Variants in KIF16B observed in about 807,000 individuals in gnomAD.
The protein encoded by KIF16B is kinesin family member 16B.
KIF16B carries 98 observed loss-of-function variants against 156.3 expected under a neutral mutation model. The observed-to-expected ratio is 0.63, with a 90% CI of 0.53 to 0.74. KIF16B has a LOEUF of 0.74. KIF16B is among the 30% of genes least tolerant of loss of function. The probability of loss-of-function intolerance (pLI) is 0.00; values close to 1 mark genes in which losing one functional copy is unlikely to be tolerated. For synonymous variants in KIF16B, 564 were observed against 583.7 expected, an observed-to-expected ratio of 0.97 and a Z score of 0.49; for missense variants, 1,421 against 1,606.5, an observed-to-expected ratio of 0.88 and a Z score of 1.97.
intron 15 of KIF16B, among the ~76,000 whole-genome samples, chr20:16,419,577 G>A (rs1434527796): frequency 6.6e-6 from 1 of 152,058 alleles, no homozygotes; most frequent in Non-Finnish European, 1.5e-5. Flanking sequence ...ATTCAAATGT[G>A]CCCAAGTATA....
At chr20:16,288,066 A>G (rs1248579511) in intron 25 of KIF16B, among the ~76,000 whole-genome samples, 3 of 152,202 alleles carry the variant, frequency 2.0e-5, no homozygotes, top group Non-Finnish European at 2.9e-5. Flanking sequence ...CAAGCTCAAT[A>G]TAGATGCCAT....
chr20:16,363,821 T>A (rs899549942), intron 22 of KIF16B, among the ~76,000 whole-genome samples: 3 of 152,348 alleles, frequency 2.0e-5, no homozygotes, highest in Non-Finnish European at 2.9e-5. Context: ...AAACTTTTTT[T>A]AATGTGCCAC....
At chr20:16,400,450 G>A (rs2065622548) in intron 17 of KIF16B, among the ~76,000 whole-genome samples, 1 of 152,158 alleles carries the variant, frequency 6.6e-6, no homozygotes, top group Non-Finnish European at 1.5e-5. Context: ...AAATAGCATA[G>A]CAGTTCCTTG....
At chr20:16,290,439 G>A (rs1309162552) in intron 25 of KIF16B, among the ~76,000 whole-genome samples, 1 of 152,188 alleles carries the variant, frequency 6.6e-6, no homozygotes, top group Non-Finnish European at 1.5e-5. Context: ...ATCTCCTTCG[G>A]TTAAAATTCA....
In KIF16B at chr20:16,379,542, C is replaced by T. The variant is rs567474633; in HGVS notation, c.2460G>A (p.Lys820=). The T allele has an allele frequency of 5.0e-6, 8 of 1,614,108 alleles. No homozygotes were observed. The African/African-American group carries it at 9.3e-5, about 19-fold the overall frequency. The change falls in exon 19 of 26, where the codon AAG becomes AAA. Residue 820 remains lysine (K), a synonymous_variant. Coordinates refer to ENST00000354981, the MANE Select transcript of KIF16B (RefSeq NM_024704.5). ...TGAATTCGAAGAAACGCAGTTGAGC[C>T]TTTTCTAACTCCTCGCCATCTTCAT... is the stretch of plus-strand genomic sequence containing the variant. ...GGDEDGEELE[K]AQLRFFEFKR...
rs574886013 is a variant in KIF16B, at chr20:16,555,328, CAGAGTGCCACGTATAAA to C, written c.47+17884_47+17900del. Among the ~76,000 whole-genome samples the C allele has an allele frequency of 7.7e-3, 1,171 of 152,288 alleles. 15 individuals are homozygous for C. The highest frequency in any genetic ancestry group is 0.027 in the African/African-American group (1,104 of 41,554). On this transcript the variant is annotated intron_variant, in intron 1 of 25. Coordinates refer to ENST00000354981, the MANE Select transcript of KIF16B (RefSeq NM_024704.5). ...GAGGATATGAGACGAAATCAGAAGA[CAGAGTGCCACGTATAAA>C]ACAATGCAGGTGGTTAGTGGCAATG...
intron 17 of KIF16B, among the ~76,000 whole-genome samples, chr20:16,382,972 A>T (rs2065136130): frequency 6.6e-6 from 1 of 152,202 alleles, no homozygotes; most frequent in African/African-American, 2.4e-5. Context: ...TAATATTGAG[A>T]ATAAGATGTC....
At chr20:16,356,232 C>G in intron 23 of KIF16B, 98 bp downstream of exon 23, 1 of 1,453,868 alleles carries the variant, frequency 6.9e-7, no homozygotes, top group Non-Finnish European at 9.6e-7. Context: ...ACAGGATATT[C>G]ACATGCAGCT....
At chr20:16,458,179 T>C (rs1568557606) in intron 12 of KIF16B, among the ~76,000 whole-genome samples, 1 of 152,172 alleles carries the variant, frequency 6.6e-6, no homozygotes. Flanking sequence ...TGAATATCAA[T>C]GAAAGAAAAT....
At chr20:16,567,799 A>G (rs2071310345) in intron 1 of KIF16B, among the ~76,000 whole-genome samples, 1 of 152,094 alleles carries the variant, frequency 6.6e-6, no homozygotes, top group Non-Finnish European at 1.5e-5. Context: ...AAATACAAAC[A>G]AAATTAGCCG....
intron 1 of KIF16B, among the ~76,000 whole-genome samples, chr20:16,548,256 G>C (rs1183987857): frequency 6.6e-6 from 1 of 152,078 alleles, no homozygotes. Flanking sequence ...ACGTCAGAGG[G>C]AGCTACAAGG....
In KIF16B at chr20:16,304,113, T is replaced by A. The variant is rs550177286; in HGVS notation, c.3795+8222A>T. Among the ~76,000 whole-genome samples the A allele has an allele frequency of 2.0e-5, 3 of 152,302 alleles. No individual in the cohort carries two copies. In the South Asian group the frequency reaches 6.2e-4, roughly 32 times the overall value. On this transcript the variant is annotated intron_variant, in intron 25 of 25. Transcript: ENST00000354981. ...AAGGAGAAAAATGGCAGAGTACAAC[T>A]GTTTGATGACATGCAGGGAGTCCTC...
chr20:16,342,766 T>A (rs1403285897), intron 23 of KIF16B, among the ~76,000 whole-genome samples: 1 of 152,202 alleles, frequency 6.6e-6, no homozygotes, highest in Admixed American at 6.5e-5. Flanking sequence ...ATCCCCTTGT[T>A]TATCAACACG....
At chr20:16,417,393 G>A (rs768265404) in intron 15 of KIF16B, among the ~76,000 whole-genome samples, 1 of 152,140 alleles carries the variant, frequency 6.6e-6, no homozygotes, top group Non-Finnish European at 1.5e-5. Flanking sequence ...GACACGATCT[G>A]CAAAAGCTGA....
chr20:16,472,834 G>A (rs2067702518), intron 12 of KIF16B, among the ~76,000 whole-genome samples: 2 of 152,102 alleles, frequency 1.3e-5, no homozygotes, highest in South Asian at 2.1e-4. Context: ...TCTAAGTATT[G>A]AGAAAGTCAT....
chr20:16,494,853 T>TA (rs938607259), intron 11 of KIF16B, among the ~76,000 whole-genome samples: 7 of 151,286 alleles, frequency 4.6e-5, no homozygotes, highest in African/African-American at 1.2e-4. Flanking sequence ...TTGTTGTTGA[T>TA]AAAAAAAGAA....
In KIF16B at chr20:16,538,457, T is replaced by C. The variant is rs1017357694; in HGVS notation, c.48-10017A>G. Among the ~76,000 whole-genome samples the C allele has an allele frequency of 3.9e-5, 6 of 152,200 alleles. 1 individual carries two copies. Among genetic ancestry groups the C allele is most frequent in the South Asian group, 4.1e-4 (2 of 4,830 alleles). On this transcript the variant is annotated intron_variant, in intron 1 of 25. Transcript: ENST00000354981. ...GCCTCTCCCTGGCCACTTTGGTGAA[T>C]TGGATTTCTCAACCGAAAAGCCAAT...
intron 12 of KIF16B, among the ~76,000 whole-genome samples, chr20:16,478,569 A>T (rs2146817767): frequency 6.6e-6 from 1 of 152,142 alleles, no homozygotes; most frequent in East Asian, 1.9e-4. Context: ...GAACTCTCTC[A>T]CCTTCTCGCC....
rs189682029 is a variant in KIF16B, at chr20:16,435,170, T to G, written c.1303-5188A>C. Among the ~76,000 whole-genome samples the G allele has an allele frequency of 2.6e-5, 4 of 152,330 alleles. No homozygotes were observed. In the East Asian group the frequency reaches 5.8e-4, roughly 22 times the overall value. ...GGTTATGAAACATAATCACAGTGCA[T>G]ATACATTTTTCATAAGTGTTTCAGT... On this transcript the variant is annotated intron_variant, in intron 12 of 25. Coordinates refer to ENST00000354981, the MANE Select transcript of KIF16B (RefSeq NM_024704.5).
Sources: allele counts gnomAD v4.1 joint callset (sites outside exome capture counted in the v4.1 genomes callset), GRCh38; gene constraint gnomAD v4.1.1; transcripts MANE v1.5; gene names NCBI Gene and HGNC (gene_info 2026-07-23, HGNC 2026-07-21).